The following COL25A1 variants were observed in gnomAD, a reference collection of about 807,000 sequenced individuals.
COL25A1 encodes collagen type XXV alpha 1 chain, also known as collagen alpha-1(XXV) chain.
A neutral mutation model predicts 128.4 loss-of-function variants in COL25A1; 103 were observed. The observed-to-expected ratio is 0.80, with a 90% confidence interval of 0.68 to 0.94. COL25A1 has a LOEUF of 0.94. Ranked by LOEUF, COL25A1 falls within the 40% of genes least tolerant of loss-of-function variation. The probability of loss-of-function intolerance (pLI) is 0.00; values close to 1 mark genes in which losing one functional copy is unlikely to be tolerated. For missense variants in COL25A1, 745 were observed against 840.0 expected, an observed-to-expected ratio of 0.89 and a Z score of 1.40; for synonymous variants, 279 against 277.2, an observed-to-expected ratio of 1.01 and a Z score of -0.06.
chr4:108,815,178 C>T (rs1259144901), intron 37 of COL25A1, among the ~76,000 whole-genome samples: 7 of 151,970 alleles, frequency 4.6e-5, no homozygotes, highest in Non-Finnish European at 2.9e-5. Context: ...ATATATAAAT[C>T]ATTGAGAGGA....
intron 3 of COL25A1, among the ~76,000 whole-genome samples, chr4:109,264,697 G>A (rs1208620793): frequency 6.6e-6 from 1 of 152,150 alleles, no homozygotes; most frequent in Non-Finnish European, 1.5e-5. Flanking sequence ...TTTAATTGGA[G>A]ATGCCCAACT....
intron 3 of COL25A1, among the ~76,000 whole-genome samples, chr4:109,294,749 A>G (rs1724814732): frequency 6.6e-6 from 1 of 152,102 alleles, no homozygotes; most frequent in Non-Finnish European, 1.5e-5. Context: ...AACCTTTTTC[A>G]TGATAGGTTC....
intron 3 of COL25A1, among the ~76,000 whole-genome samples, chr4:109,097,588 G>A (rs1309451653): frequency 6.6e-6 from 1 of 151,542 alleles, no homozygotes; most frequent in East Asian, 1.9e-4. Flanking sequence ...ACTCCAGCCT[G>A]GGTGAAAAAA....
chr4:109,143,436 A>ATT (rs1770628355), intron 3 of COL25A1, among the ~76,000 whole-genome samples: 2 of 151,976 alleles, frequency 1.3e-5, no homozygotes, highest in African/African-American at 4.8e-5. Context: ...TATTTCCTGA[A>ATT]TTTGAATGTT....
chr4:109,229,159 A>C (rs555505497), intron 3 of COL25A1, among the ~76,000 whole-genome samples: 1 of 149,456 alleles, frequency 6.7e-6, no homozygotes, highest in African/African-American at 2.6e-5. Context: ...CCCCTAAAAA[A>C]ATTGGATTTC....
intron 3 of COL25A1, among the ~76,000 whole-genome samples, chr4:109,093,463 A>G (rs1039201022): frequency 1.3e-5 from 2 of 148,740 alleles, no homozygotes; most frequent in Non-Finnish European, 3.0e-5. Context: ...CTATGAAAAA[A>G]AAAAAAAAAA....
chr4:109,082,100 G>C (rs912611012), intron 3 of COL25A1, among the ~76,000 whole-genome samples: 4 of 152,092 alleles, frequency 2.6e-5, no homozygotes, highest in African/African-American at 9.7e-5. Flanking sequence ...CTAGCATAAC[G>C]TTTCAAGATT....
chr4:109,090,481 TGAAA>T (rs1340745959), intron 3 of COL25A1, among the ~76,000 whole-genome samples: 6 of 152,216 alleles, frequency 3.9e-5, no homozygotes, highest in African/African-American at 1.4e-4. Context: ...TAGGAAACTA[TGAAA>T]GTGCTTTCAG....
At chr4:109,193,554 G>T (rs1213369008) in intron 3 of COL25A1, among the ~76,000 whole-genome samples, 1 of 152,188 alleles carries the variant, frequency 6.6e-6, no homozygotes, top group East Asian at 1.9e-4. Context: ...GACAGAGACT[G>T]AGAAAGGAAT....
rs1735682375 is a variant in COL25A1 at position 108,850,830 on chromosome 4, G to A, written c.1389+1406C>T. Among the ~76,000 whole-genome samples, 2 of 152,062 alleles carry A rather than the reference G, an allele frequency of 1.3e-5. 1 individual carries two copies. The highest frequency in any genetic ancestry group is 4.1e-4 in the South Asian group (2 of 4,826). On this transcript the variant is annotated intron_variant, in intron 26 of 37. Transcript: ENST00000399132. Reference sequence around the variant, plus strand: ...GAATAGCAATTGGATTATAAAACCAGGGGAATATAGGTTTTAGTGATACAG... The same window carrying A: ...GAATAGCAATTGGATTATAAAACCAAGGGAATATAGGTTTTAGTGATACAG...
chr4:108,852,166 G>C (rs1735859551), intron 26 of COL25A1, 70 bp downstream of exon 26: 1 of 1,154,220 alleles, frequency 8.7e-7, no homozygotes, highest in African/African-American at 1.6e-5. Flanking sequence ...GATTTTCAAA[G>C]ATGCATATAC....
At position 109,300,588 on chromosome 4, in the gene COL25A1, G is replaced by A; in HGVS notation, c.362C>T (p.Pro121Leu). Reference protein sequence around the residue: ...AREAPSECNCPAGPPGKRGKR... With the variant: ...AREAPSECNCLAGPPGKRGKR... ...TTAAATAAGTTCCATTTTACCTGCT[G>A]GGCAGTTACATTCTGAAGGTGCTTC... The change falls in exon 3 of 38, where the codon CCA becomes CTA. Residue 121 changes from proline to leucine, a missense_variant. This residue lies in a region of COL25A1 where 319 missense variants were observed against 324.9 expected (regional missense o/e 0.98). Transcript: ENST00000399132. 6.2e-7 allele frequency: 1 copy of A among 1,605,818 alleles called. No individual in the cohort carries two copies. The highest frequency in any genetic ancestry group is 8.5e-7 in the Non-Finnish European group (1 of 1,172,502).
At chr4:109,243,142 A>G (rs1780017951) in intron 3 of COL25A1, among the ~76,000 whole-genome samples, 1 of 152,128 alleles carries the variant, frequency 6.6e-6, no homozygotes, top group African/African-American at 2.4e-5. Context: ...ATATTAAACT[A>G]TTTGAATCTT....
intron 3 of COL25A1, among the ~76,000 whole-genome samples, chr4:109,167,270 C>T (rs1037429754): frequency 6.6e-6 from 1 of 152,070 alleles, no homozygotes; most frequent in African/African-American, 2.4e-5. Flanking sequence ...AACATGTGTG[C>T]AAATCCTAGG....
chr4:109,297,406 T>A (rs1425777002), intron 3 of COL25A1, among the ~76,000 whole-genome samples: 2 of 152,184 alleles, frequency 1.3e-5, no homozygotes, highest in Admixed American at 1.3e-4. Context: ...TATTTTTTAA[T>A]ATCCCCATGG....
intron 3 of COL25A1, among the ~76,000 whole-genome samples, chr4:109,202,997 TA>T (rs11409156): frequency 1.3e-5 from 2 of 151,262 alleles, no homozygotes; most frequent in Admixed American, 6.6e-5. Context: ...TAAAGGGGTG[TA>T]AAAAAAATCA....
intron 19 of COL25A1, 72 bp from the exon 20 acceptor site, chr4:108,869,222 A>AAATAAATAAATAAAT (rs1246190605): frequency 1.7e-5 from 3 of 178,228 alleles, no homozygotes; most frequent in African/African-American, 1.0e-4. Context: ...ATAAATAAAT[A>AAATAAATAAATAAAT]AAAACTAAAC....
intron 3 of COL25A1, among the ~76,000 whole-genome samples, chr4:109,144,710 T>C (rs890050503): frequency 1.3e-5 from 2 of 152,224 alleles, no homozygotes; most frequent in Non-Finnish European, 2.9e-5. Flanking sequence ...TGCGTAGCAC[T>C]TCACAGTAAT....
chr4:108,948,642 C>T (rs1749052639), intron 8 of COL25A1, among the ~76,000 whole-genome samples: 1 of 151,856 alleles, frequency 6.6e-6, no homozygotes, highest in Non-Finnish European at 1.5e-5. Flanking sequence ...TTTATAGATA[C>T]TCTGAATTCC....
Sources: gnomAD v4.1 joint callset for allele counts (sites outside exome capture counted in the v4.1 genomes callset) on GRCh38, gnomAD v4.1.1 for gene constraint, gnomAD v4.1.1 regional missense constraint, MANE v1.5 for transcripts, NCBI Gene and HGNC (gene_info 2026-07-23, HGNC 2026-07-21) for gene names.